Variants in FOXN3 observed in about 807,000 individuals in gnomAD.
The protein encoded by FOXN3 is forkhead box N3, also known as forkhead box protein N3.
FOXN3 carries 7 observed loss-of-function variants against 38.4 expected under a neutral mutation model. The ratio of observed to expected loss-of-function variants is 0.18; its 90% CI spans 0.10 to 0.34. FOXN3 has a LOEUF of 0.34. FOXN3 is among the 10% of genes least tolerant of loss of function. FOXN3 has a pLI of 1.00. For synonymous variants in FOXN3, 230 were observed against 242.2 expected (o/e 0.95, Z 0.47); for missense variants, 456 against 613.4 (o/e 0.74, Z 2.71).
At chr14:89,468,290 C>CT (rs1294485215) in intron 1 of FOXN3, among the ~76,000 whole-genome samples, 1 of 151,992 alleles carries the variant, frequency 6.6e-6, no homozygotes, top group Non-Finnish European at 1.5e-5. Flanking sequence ...CCCGTCTCTA[C>CT]TGAAAATACA....
chr14:89,220,277 C>A (rs1884423452), intron 4 of FOXN3, among the ~76,000 whole-genome samples: 1 of 152,142 alleles, frequency 6.6e-6, no homozygotes, highest in Non-Finnish European at 1.5e-5. Flanking sequence ...AATCCCGGCT[C>A]CAGTACTTAC....
intron 1 of FOXN3, among the ~76,000 whole-genome samples, chr14:89,423,391 G>A (rs1596266952): frequency 6.6e-6 from 1 of 152,190 alleles, no homozygotes; most frequent in African/African-American, 2.4e-5. Context: ...CTGGCACTTA[G>A]TGAACACTAT....
At chr14:89,418,261 C>T (rs1327213854), upstream of FOXN3, among the ~76,000 whole-genome samples, 3 of 151,974 alleles carry the variant, frequency 2.0e-5, no homozygotes, top group African/African-American at 7.3e-5. Context: ...GTGGACAGGA[C>T]ATCGTGAGCG....
At chr14:89,205,357 G>A (rs371354031) in intron 4 of FOXN3, among the ~76,000 whole-genome samples, 3 of 152,274 alleles carry the variant, frequency 2.0e-5, no homozygotes, top group African/African-American at 7.2e-5. Context: ...ACAGAAGGGC[G>A]GGGTCCCTGG....
At chr14:89,301,360 C>T (rs1048600056) in intron 3 of FOXN3, among the ~76,000 whole-genome samples, 1 of 151,846 alleles carries the variant, frequency 6.6e-6, no homozygotes, top group African/African-American at 2.4e-5. Context: ...CCTGCAGTCC[C>T]AGCTACTCAG....
chr14:89,291,168 G>A, intron 3 of FOXN3: 1 of 484,364 alleles, frequency 2.1e-6, no homozygotes, highest in South Asian at 1.6e-5. Context: ...CAAGTTGGGG[G>A]GCACAGTTAT....
At chr14:89,597,566 T>C (rs1395202801) in intron 1 of FOXN3, among the ~76,000 whole-genome samples, 1 of 152,218 alleles carries the variant, frequency 6.6e-6, no homozygotes, top group Non-Finnish European at 1.5e-5. Context: ...AATTTCTAAC[T>C]ATATAGATAT....
At chr14:89,210,682 T>C (rs1884063180) in intron 4 of FOXN3, among the ~76,000 whole-genome samples, 1 of 152,232 alleles carries the variant, frequency 6.6e-6, no homozygotes, top group Non-Finnish European at 1.5e-5. Context: ...TACATTTTGG[T>C]TGTAGACTGC....
intron 4 of FOXN3, among the ~76,000 whole-genome samples, chr14:89,193,928 T>C (rs374507707): frequency 5.2e-4 from 79 of 152,216 alleles, no homozygotes; most frequent in African/African-American, 1.9e-3. Flanking sequence ...TTCATTTTTA[T>C]TTCCCTAATG....
intron 1 of FOXN3, among the ~76,000 whole-genome samples, chr14:89,415,053 T>C (rs1891657098): frequency 6.6e-6 from 1 of 152,236 alleles, no homozygotes; most frequent in African/African-American, 2.4e-5. Context: ...ATCCTGCTTT[T>C]AACTTCTTTA....
chr14:89,591,028 T>C (rs945352021), intron 1 of FOXN3, among the ~76,000 whole-genome samples: 2 of 152,256 alleles, frequency 1.3e-5, no homozygotes, highest in Non-Finnish European at 2.9e-5. Flanking sequence ...GCTTTCTCTG[T>C]ATCTTTAGGT....
At position 89,378,752 on chromosome 14, in the gene FOXN3, A is replaced by G. The variant is rs560379014; in HGVS notation, c.544-27944T>C. On this transcript the variant is annotated intron_variant, in intron 2 of 5. Coordinates refer to ENST00000557258, the MANE Select transcript of FOXN3 (RefSeq NM_005197.4). The stretch of plus-strand genomic sequence containing the variant: ...ACAGAGTCTCACGCTCTGCAGCCCA[A>G]GCTGGAGTGAGTGGTGCAACCTCAG... Among the ~76,000 whole-genome samples, 81 of 146,786 alleles carry G rather than the reference A, an allele frequency of 5.5e-4. No homozygotes were observed. The South Asian group carries it at 0.017, about 30-fold the overall frequency.
intron 1 of FOXN3, among the ~76,000 whole-genome samples, chr14:89,513,150 G>GAAAAAAAAAAAAAA (rs36003791): frequency 3.9e-5 from 4 of 102,060 alleles, no homozygotes; most frequent in Admixed American, 1.2e-4. Context: ...TCCATCTCAG[G>GAAAAAAAAAAAAAA]AAAAAAAAAA....
intron 1 of FOXN3, among the ~76,000 whole-genome samples, chr14:89,473,701 T>A (rs11625719): frequency 9.9e-5 from 15 of 152,130 alleles, no homozygotes; most frequent in African/African-American, 1.2e-4. Flanking sequence ...CTACATTCAC[T>A]CTTGTAGATG....
chr14:89,279,633 T>A lies in FOXN3; in HGVS notation c.745+1317A>T, dbSNP rs192043160. Among the ~76,000 whole-genome samples the A allele has an allele frequency of 5.6e-3, 848 of 152,348 alleles. 7 individuals are homozygous for A. Among genetic ancestry groups the A allele is most frequent in the African/African-American group, 0.019 (781 of 41,574 alleles). ...GAAGGGAAAACAGAATAGATTTTTT[T>A]AAATTATGTGTTAATTTTTGAGAGT... On this transcript the variant is annotated intron_variant, in intron 4 of 5. Transcript: ENST00000557258.
chr14:89,381,730 C>T (rs1273943021), intron 2 of FOXN3, among the ~76,000 whole-genome samples: 3 of 151,646 alleles, frequency 2.0e-5, no homozygotes, highest in Admixed American at 6.6e-5. Context: ...TGTGATGGTG[C>T]GCACCTGTGG....
At chr14:89,354,652 C>G (rs756063124) in intron 2 of FOXN3, among the ~76,000 whole-genome samples, 1 of 150,868 alleles carries the variant, frequency 6.6e-6, no homozygotes, top group Non-Finnish European at 1.5e-5. Context: ...GTCAGGAGTT[C>G]GAAACCAGCC....
At chr14:89,214,677 G>A (rs1450651794) in intron 4 of FOXN3, among the ~76,000 whole-genome samples, 3 of 152,210 alleles carry the variant, frequency 2.0e-5, no homozygotes, top group African/African-American at 7.2e-5. Context: ...TCCTTTCACT[G>A]GCATCGACCC....
chr14:89,273,433 T>C (rs1886210886), intron 4 of FOXN3, among the ~76,000 whole-genome samples: 1 of 152,198 alleles, frequency 6.6e-6, no homozygotes. Flanking sequence ...ATGGTTACTA[T>C]AGACGGGTAG....
Sources: allele counts gnomAD v4.1 joint callset (sites outside exome capture counted in the v4.1 genomes callset), GRCh38; gene constraint gnomAD v4.1.1; transcripts MANE v1.5; gene names NCBI Gene and HGNC (gene_info 2026-07-23, HGNC 2026-07-21).